GMEB1: variants seen among roughly 807,000 people sequenced by gnomAD.
The protein encoded by GMEB1 is glucocorticoid modulatory element binding protein 1, also known as glucocorticoid modulatory element-binding protein 1.
Under a neutral mutation model 52.4 loss-of-function variants are expected in GMEB1, and 6 were observed. The ratio of observed to expected loss-of-function variants is 0.11; its 90% confidence interval spans 0.06 to 0.23. GMEB1 has a LOEUF of 0.23. Ranked by LOEUF, GMEB1 falls within the 10% of genes least tolerant of loss-of-function variation. The probability of loss-of-function intolerance (pLI) is 1.00; values close to 1 mark genes in which losing one functional copy is unlikely to be tolerated. For missense variants in GMEB1, 486 were observed against 685.6 expected, an observed-to-expected ratio of 0.71 and a Z score of 3.25; for synonymous variants, 255 against 244.9, an observed-to-expected ratio of 1.04 and a Z score of -0.38.
chr1:28,708,918 T>G (rs1670912946), intron 8 of GMEB1, among the ~76,000 whole-genome samples: 1 of 151,712 alleles, frequency 6.6e-6, no homozygotes, highest in African/African-American at 2.4e-5. Context: ...GATCACAAGG[T>G]CAGGAGATCA....
At chr1:28,699,588 C>T (rs962546594) in intron 6 of GMEB1, among the ~76,000 whole-genome samples, 6 of 152,080 alleles carry the variant, frequency 3.9e-5, no homozygotes, top group Non-Finnish European at 7.4e-5. Flanking sequence ...GCCACCAAGC[C>T]TAGCTAATTT....
chr1:28,677,892 A>C (rs1669226689), intron 1 of GMEB1, among the ~76,000 whole-genome samples: 3 of 152,044 alleles, frequency 2.0e-5, no homozygotes. Context: ...GCAAGAAAGA[A>C]GGGAGAAGAG....
chr1:28,700,043 C>T (rs570284704), intron 6 of GMEB1, among the ~76,000 whole-genome samples: 17 of 128,662 alleles, frequency 1.3e-4, no homozygotes, highest in South Asian at 7.2e-4. Context: ...GTGACAGGAG[C>T]GAGAGACCCT....
At chr1:28,686,445 A>T (rs1041829840) in intron 2 of GMEB1, among the ~76,000 whole-genome samples, 6 of 152,014 alleles carry the variant, frequency 3.9e-5, no homozygotes, top group African/African-American at 1.2e-4. Flanking sequence ...CCTGGCCAAC[A>T]TGGTGAAACC....
intron 1 of GMEB1, among the ~76,000 whole-genome samples, chr1:28,672,027 G>T (rs1668906854): frequency 6.6e-6 from 1 of 150,648 alleles, no homozygotes; most frequent in Admixed American, 6.6e-5. Flanking sequence ...CAGGAGAATT[G>T]CTTGAACTTG....
rs767696682 is a variant in GMEB1 at position 28,716,109 on chromosome 1, AAG to A, written c.*1338_*1339del. Reference sequence around the variant, plus strand: ...TGAAACTCCGTCTCAAAAAAAAAGAAAGAAATGGAAAGCCAAGGATGCTGCAG... The same window carrying A: ...TGAAACTCCGTCTCAAAAAAAAAGAAAAATGGAAAGCCAAGGATGCTGCAG... On this transcript the variant is annotated 3_prime_UTR_variant, in exon 10 of 10. Transcript: ENST00000373816. 2.6e-5 allele frequency: 4 copies of A among 152,308 alleles called. No homozygotes were observed. Among genetic ancestry groups the A allele is most frequent in the Non-Finnish European group, 4.4e-5 (3 of 68,216 alleles). 9.4% of individuals were successfully genotyped at this position (152,308 alleles called of 1,614,324 possible).
rs879212606 is a variant in GMEB1, at chr1:28,690,203, G to GGTTTT, written c.211+17_211+18insGTTTT. ...AAGGGATTGGTAAGGGTTTTTTTGT[G>GGTTTT]TTTTTTTTTTTTTTTTTTTTTGTCA... On this transcript the variant is annotated intron_variant, in intron 3 of 9. Coordinates refer to ENST00000373816, the MANE Select transcript of GMEB1 (RefSeq NM_001319674.2). 2.8e-4 allele frequency: 146 copies of GGTTTT among 515,932 alleles called. 1 individual carries two copies. Among genetic ancestry groups the GGTTTT allele is most frequent in the East Asian group, 6.0e-4 (16 of 26,666 alleles). The allele number at this position is 515,932 out of a possible 1,614,324, so 32.0% of individuals were successfully genotyped here. A position where few individuals can be genotyped will look rare whatever the true frequency, so the allele number is the denominator to read the frequency against.
chr1:28,699,719 C>T (rs1226106977), intron 6 of GMEB1, among the ~76,000 whole-genome samples: 1 of 151,492 alleles, frequency 6.6e-6, no homozygotes, highest in African/African-American at 2.4e-5. Context: ...TGTGAGCCAC[C>T]ATGCCTGGCC....
intron 1 of GMEB1, among the ~76,000 whole-genome samples, chr1:28,675,552 A>C (rs536836520): frequency 6.6e-6 from 1 of 151,848 alleles, no homozygotes; most frequent in Non-Finnish European, 1.5e-5. Context: ...TGGTGTGCAC[A>C]TGTCATCCCA....
chr1:28,706,021 GCGGA>G (rs1193136678), intron 8 of GMEB1, among the ~76,000 whole-genome samples: 2 of 151,870 alleles, frequency 1.3e-5, no homozygotes, highest in East Asian at 4.0e-4. Flanking sequence ...GGGCGCGGTG[GCGGA>G]CGCCTGTAGT....
chr1:28,694,190 ATT>A (rs569803893), intron 5 of GMEB1, among the ~76,000 whole-genome samples: 5 of 136,772 alleles, frequency 3.7e-5, no homozygotes, highest in Non-Finnish European at 3.2e-5. Context: ...GTGTTGTAGG[ATT>A]TTTTTTTTTT....
At chr1:28,682,561 G>T (rs1029883146) in intron 1 of GMEB1, among the ~76,000 whole-genome samples, 2 of 149,342 alleles carry the variant, frequency 1.3e-5, no homozygotes, top group African/African-American at 5.0e-5. Context: ...GGCAGATGTT[G>T]CAGTGAGCCA....
rs568023679 is a variant in GMEB1, at chr1:28,704,667, G to A, written c.868+338G>A. ...ATCGCCTAGACTGGAGTGTAGTAGC[G>A]CAATCTCAGCTCACTGCAACCTCCG... On this transcript the variant is annotated intron_variant, in intron 8 of 9. Coordinates refer to ENST00000373816, the MANE Select transcript of GMEB1 (RefSeq NM_001319674.2). 1.0e-3 allele frequency among the ~76,000 whole-genome samples: 157 copies of A among 151,690 alleles called. 5 individuals are homozygous for A. In the South Asian group the frequency reaches 0.032, roughly 31 times the overall value.
intron 1 of GMEB1, among the ~76,000 whole-genome samples, chr1:28,676,991 TTGCAG>T (rs1206479260): frequency 6.6e-5 from 10 of 152,054 alleles, no homozygotes; most frequent in Non-Finnish European, 1.3e-4. Flanking sequence ...GAGGCAGAGG[TTGCAG>T]TGAGCTGAAA....
chr1:28,705,968 C>T (rs1398956597), intron 8 of GMEB1, among the ~76,000 whole-genome samples: 1 of 148,492 alleles, frequency 6.7e-6, no homozygotes, highest in African/African-American at 2.5e-5. Flanking sequence ...TCCTGGTTAA[C>T]ACGGTGAAAC....
At chr1:28,685,824 T>G (rs996570885) in intron 2 of GMEB1, among the ~76,000 whole-genome samples, 2 of 152,072 alleles carry the variant, frequency 1.3e-5, no homozygotes, top group African/African-American at 4.8e-5. Context: ...CTGGGCATGG[T>G]GGCGCATGTC....
At chr1:28,675,872 T>G (rs1448924813) in intron 1 of GMEB1, among the ~76,000 whole-genome samples, 1 of 152,106 alleles carries the variant, frequency 6.6e-6, no homozygotes. Flanking sequence ...GAGATGACCT[T>G]GCATTTAGAG....
At chr1:28,670,919 A>C (rs1570370271) in intron 1 of GMEB1, among the ~76,000 whole-genome samples, 1 of 152,088 alleles carries the variant, frequency 6.6e-6, no homozygotes, top group Admixed American at 6.6e-5. Flanking sequence ...ACTCAGCTTC[A>C]TTGGGTTTAT....
chr1:28,714,961 C>A lies in GMEB1; in HGVS notation c.*188C>A. 1.7e-6 allele frequency: 1 copy of A among 573,696 alleles called. No individual in the cohort carries two copies. Among genetic ancestry groups the A allele is most frequent in the South Asian group, 2.3e-5 (1 of 43,604 alleles). The allele number at this position is 573,696 out of a possible 1,614,324, so 35.5% of individuals were successfully genotyped here. On this transcript the variant is annotated 3_prime_UTR_variant, in exon 10 of 10. Coordinates refer to ENST00000373816, the MANE Select transcript of GMEB1 (RefSeq NM_001319674.2). ...ATTGAAAAATGGACAAAACAAGCTG[C>A]CCTTCCAGAAGTTGAGAGTAGGTCA...
Sources: allele counts gnomAD v4.1 joint callset (sites outside exome capture counted in the v4.1 genomes callset), GRCh38; gene constraint gnomAD v4.1.1; transcripts MANE v1.5; gene names NCBI Gene and HGNC (gene_info 2026-07-23, HGNC 2026-07-21).